HTR4: variants seen among roughly 807,000 people sequenced by gnomAD.
The protein encoded by HTR4 is 5-hydroxytryptamine receptor 4, also known as 5-hydroxytryptamine (serotonin) receptor 4, G protein-coupled.
Under a neutral mutation model 36.8 loss-of-function variants are expected in HTR4, and 16 were observed. The observed-to-expected ratio is 0.43, with a 90% confidence interval of 0.29 to 0.66. HTR4 has a LOEUF of 0.66. HTR4 is among the 30% of genes least tolerant of loss of function. HTR4 has a pLI of 0.13. For missense variants in HTR4, 438 were observed against 490.9 expected, an observed-to-expected ratio of 0.89 and a Z score of 1.02; for synonymous variants, 189 against 185.1, an observed-to-expected ratio of 1.02 and a Z score of -0.17.
intron 1 of HTR4, among the ~76,000 whole-genome samples, chr5:148,644,219 T>C (rs1336981021): frequency 6.6e-6 from 1 of 152,306 alleles, no homozygotes; most frequent in African/African-American, 2.4e-5. Context: ...GGAAAGAATA[T>C]GTTCTTATGC....
intron 2 of HTR4, among the ~76,000 whole-genome samples, chr5:148,618,103 C>G (rs538193084): frequency 1.3e-4 from 20 of 152,292 alleles, no homozygotes; most frequent in African/African-American, 4.6e-4. Flanking sequence ...AAACAGTCCT[C>G]TGATTTAGTC....
chr5:148,579,970 G>T (rs540740410), intron 2 of HTR4, among the ~76,000 whole-genome samples: 1 of 151,878 alleles, frequency 6.6e-6, no homozygotes, highest in Non-Finnish European at 1.5e-5. Flanking sequence ...AATATTACAA[G>T]CCAAATTCCT....
intron 1 of HTR4, among the ~76,000 whole-genome samples, chr5:148,643,041 T>G (rs989586302): frequency 6.6e-6 from 1 of 152,168 alleles, no homozygotes; most frequent in African/African-American, 2.4e-5. Flanking sequence ...CTAAGTCATT[T>G]AGAAAGATTT....
chr5:148,650,498 T>C (rs532342492), intron 1 of HTR4, among the ~76,000 whole-genome samples: 1 of 152,048 alleles, frequency 6.6e-6, no homozygotes. Context: ...ACTGTCTCAA[T>C]AGCATAAAAA....
At chr5:148,537,269 C>G (rs1190060839) in intron 4 of HTR4, among the ~76,000 whole-genome samples, 1 of 151,998 alleles carries the variant, frequency 6.6e-6, no homozygotes, top group African/African-American at 2.4e-5. Flanking sequence ...GCACTAAATG[C>G]TCACATCAAA....
chr5:148,483,949 ATTTATTTATTT>A (rs1307583589), intron 6 of HTR4, among the ~76,000 whole-genome samples: 2 of 116,962 alleles, frequency 1.7e-5, no homozygotes, highest in Non-Finnish European at 3.9e-5. Flanking sequence ...TTATTTATTT[ATTTATTTATTT>A]ATTTATTTAT....
At position 148,509,910 on chromosome 5, in the gene HTR4, TGAG is replaced by T. The variant is rs1185385896; in HGVS notation, c.619_621del (p.Leu207del). The T allele has an allele frequency of 2.5e-6, 4 of 1,613,718 alleles. No homozygotes were observed. Among genetic ancestry groups the T allele is most frequent in the African/African-American group, 2.7e-5 (2 of 74,860 alleles). On this transcript the variant is annotated inframe_deletion, in exon 6 of 7. Transcript: ENST00000377888. ...TAGATGCGGTAATAGGCCAGCACCA[TGAG>T]GAGAAATGGGATGTAGAAGGCCACC...
At chr5:148,506,100 A>G (rs1383089654) in intron 6 of HTR4, among the ~76,000 whole-genome samples, 1 of 152,238 alleles carries the variant, frequency 6.6e-6, no homozygotes, top group Non-Finnish European at 1.5e-5. Flanking sequence ...AGCTGGAGGC[A>G]TCATGCTACC....
intron 2 of HTR4, among the ~76,000 whole-genome samples, chr5:148,600,612 C>T (rs1336574687): frequency 6.6e-6 from 1 of 151,452 alleles, no homozygotes; most frequent in Non-Finnish European, 1.5e-5. Flanking sequence ...ATTAAGAAAA[C>T]AATCCCATTT....
chr5:148,487,156 T>C (rs1756203257), intron 6 of HTR4, among the ~76,000 whole-genome samples: 1 of 152,098 alleles, frequency 6.6e-6, no homozygotes, highest in Non-Finnish European at 1.5e-5. Flanking sequence ...AGGTACAGAG[T>C]CTTGTTTCCA....
intron 6 of HTR4, among the ~76,000 whole-genome samples, chr5:148,491,631 A>T (rs943860295): frequency 1.3e-5 from 2 of 152,140 alleles, no homozygotes; most frequent in Non-Finnish European, 2.9e-5. Flanking sequence ...ACAACCAAAA[A>T]TGCCACCAGA....
chr5:148,600,960 T>A (rs1355355081), intron 2 of HTR4, among the ~76,000 whole-genome samples: 11 of 70,778 alleles, frequency 1.6e-4, no homozygotes, highest in African/African-American at 6.2e-4. Context: ...TATGAGGAAC[T>A]CCCACAACTC....
chr5:148,484,299 A>G, intron 6 of HTR4: 3 of 1,613,720 alleles, frequency 1.9e-6, no homozygotes, highest in Non-Finnish European at 2.5e-6. Context: ...TCTAATGCTC[A>G]ATGTGCCTGA....
intron 2 of HTR4, among the ~76,000 whole-genome samples, chr5:148,566,240 G>C (rs999062560): frequency 8.5e-5 from 13 of 152,130 alleles, no homozygotes; most frequent in African/African-American, 3.1e-4. Context: ...GTATAAAACA[G>C]TAAAGCACAA....
At chr5:148,536,189 G>T (rs1333833558) in intron 4 of HTR4, among the ~76,000 whole-genome samples, 2 of 152,042 alleles carry the variant, frequency 1.3e-5, no homozygotes, top group Admixed American at 1.3e-4. Flanking sequence ...CAAATATTGA[G>T]GGAGTTTGTT....
chr5:148,626,976 C>T (rs1330718787), intron 2 of HTR4, among the ~76,000 whole-genome samples: 2 of 152,186 alleles, frequency 1.3e-5, no homozygotes, highest in African/African-American at 4.8e-5. Flanking sequence ...CACACTTCTT[C>T]TCCAAGGTCA....
chr5:148,546,677 C>T (rs1310920395), intron 4 of HTR4, among the ~76,000 whole-genome samples: 1 of 152,166 alleles, frequency 6.6e-6, no homozygotes, highest in African/African-American at 2.4e-5. Flanking sequence ...CTTACTCCTG[C>T]TTTTACACAG....
chr5:148,509,547 A>G lies in HTR4; in HGVS notation c.985T>C (p.Cys329Arg), dbSNP rs1161189182. 6.2e-7 allele frequency: 1 copy of G among 1,613,632 alleles called. No individual in the cohort carries two copies. Among genetic ancestry groups the G allele is most frequent in the African/African-American group, 1.3e-5 (1 of 74,924 alleles). Residue 329 changes from cysteine (C) to arginine (R), a missense_variant, in exon 6 of 7, where the codon TGT becomes CGT. Cys to Arg is a radical substitution (Grantham distance 180). Transcript: ENST00000377888. ...FRRAFLIILC[C>R]DDERYRRPSI... is the part of the protein sequence containing the mutation. Reference sequence around the variant, plus strand: ...GGTCTTCGGTAGCGCTCATCATCACAGCAGAGGATGATGAGGAAGGCACGT... The same window carrying G: ...GGTCTTCGGTAGCGCTCATCATCACGGCAGAGGATGATGAGGAAGGCACGT...
chr5:148,532,691 T>A (rs572656342), intron 4 of HTR4, among the ~76,000 whole-genome samples: 3 of 152,320 alleles, frequency 2.0e-5, no homozygotes, highest in South Asian at 4.1e-4. Flanking sequence ...TATTCCTATA[T>A]CTATATAGCC....
Sources: allele counts gnomAD v4.1 joint callset (sites outside exome capture counted in the v4.1 genomes callset), GRCh38; gene constraint gnomAD v4.1.1; transcripts MANE v1.5; gene names NCBI Gene and HGNC (gene_info 2026-07-23, HGNC 2026-07-21).